The following SPATA6 variants were observed in gnomAD, a reference collection of about 807,000 sequenced individuals.
SPATA6 encodes spermatogenesis-associated protein 6.
A neutral mutation model predicts 65.3 loss-of-function variants in SPATA6; 56 were observed. That is an observed-to-expected ratio of 0.86 (90% CI 0.69 to 1.07). The LOEUF is 1.07. Among genes scored for constraint, SPATA6 ranks in the 50% least tolerant of loss-of-function variants. The pLI, the probability that SPATA6 is intolerant of heterozygous loss-of-function variation, is 0.00. For missense variants in SPATA6, 590 were observed against 594.8 expected (o/e 0.99, Z 0.08); for synonymous variants, 199 against 213.2 (o/e 0.93, Z 0.58).
intron 11 of SPATA6, among the ~76,000 whole-genome samples, chr1:48,317,953 T>C (rs1025167738): frequency 6.6e-6 from 1 of 152,190 alleles, no homozygotes; most frequent in Non-Finnish European, 1.5e-5. Context: ...AAAAGAATTA[T>C]ACACCACAAC....
At chr1:48,285,515 G>T in the SPATA6 span, among the ~76,000 whole-genome samples, 3 of 151,844 alleles carry the variant, frequency 2.0e-5, no homozygotes, top group African/African-American at 7.3e-5. Flanking sequence ...AGCTAGCTCG[G>T]TGTCTGCCCA....
rs150731901 is a variant in SPATA6 at position 48,352,460 on chromosome 1, A to G, written c.1194+3210T>C. ...AACTTCACAATCAAAATTTCATCAA[A>G]GTTTTAACATCAATGCAAATACAGC... On this transcript the variant is annotated intron_variant, in intron 11 of 12. Transcript: ENST00000371847. Among the ~76,000 whole-genome samples the G allele has an allele frequency of 4.5e-3, 688 of 152,204 alleles. 3 individuals are homozygous for G. Among genetic ancestry groups the G allele is most frequent in the African/African-American group, 0.015 (614 of 41,544 alleles).
chr1:48,325,896 G>T (rs1029824579), intron 11 of SPATA6: 2 of 339,506 alleles, frequency 5.9e-6, no homozygotes, highest in Non-Finnish European at 1.2e-5. Context: ...GATGCTTGTG[G>T]TAGGCAAGTG....
At chr1:48,402,976 C>T (rs912262003) in intron 6 of SPATA6, among the ~76,000 whole-genome samples, 7 of 151,976 alleles carry the variant, frequency 4.6e-5, no homozygotes, top group Non-Finnish European at 1.0e-4. Context: ...CTCCAGAGTT[C>T]GAGACCAGCC....
At chr1:48,276,158 T>C in the SPATA6 span, among the ~76,000 whole-genome samples, 1 of 152,202 alleles carries the variant, frequency 6.6e-6, no homozygotes, top group East Asian at 1.9e-4. Context: ...ATGGTATTTG[T>C]ATTTCTGTGA....
At chr1:48,279,172 C>G in the SPATA6 span, among the ~76,000 whole-genome samples, 6 of 152,256 alleles carry the variant, frequency 3.9e-5, no homozygotes, top group East Asian at 1.2e-3. Context: ...AAAAGAGCTC[C>G]TGAAGGAAGC....
the SPATA6 span, among the ~76,000 whole-genome samples, chr1:48,285,726 C>A: frequency 2.0e-5 from 3 of 152,248 alleles, no homozygotes; most frequent in Non-Finnish European, 4.4e-5. Context: ...CTGGGTGAGG[C>A]CCCGCCCCAC....
chr1:48,282,923 T>G, the SPATA6 span, among the ~76,000 whole-genome samples: 3 of 152,032 alleles, frequency 2.0e-5, no homozygotes, highest in African/African-American at 7.2e-5. Flanking sequence ...GCAAAGACTT[T>G]GAACCAATCC....
chr1:48,322,898 G>A (rs1407418603), intron 11 of SPATA6, among the ~76,000 whole-genome samples: 8 of 152,114 alleles, frequency 5.3e-5, no homozygotes, highest in African/African-American at 7.2e-5. Flanking sequence ...TTAGAATGGC[G>A]ATCATTAAAA....
intron 1 of SPATA6, among the ~76,000 whole-genome samples, chr1:48,462,727 A>G (rs1570650101): frequency 6.6e-6 from 1 of 152,214 alleles, no homozygotes. Context: ...CAAAGGAAAT[A>G]ACAAACATAA....
intron 5 of SPATA6, among the ~76,000 whole-genome samples, chr1:48,408,513 C>T (rs1480467551): frequency 6.6e-6 from 1 of 152,168 alleles, no homozygotes; most frequent in Non-Finnish European, 1.5e-5. Context: ...TACTAACAGA[C>T]ATATCAATTA....
chr1:48,436,125 C>T (rs1654918049), intron 3 of SPATA6: 1 of 1,610,140 alleles, frequency 6.2e-7, no homozygotes, highest in Non-Finnish European at 8.5e-7. Flanking sequence ...TATGTTCCAC[C>T]AACGTTTCTC....
At chr1:48,307,598 CAT>C (rs760120438) in intron 11 of SPATA6, among the ~76,000 whole-genome samples, 3 of 151,022 alleles carry the variant, frequency 2.0e-5, no homozygotes, top group African/African-American at 4.8e-5. Context: ...TTTGTGTAGA[CAT>C]GTGGAAATTT....
chr1:48,471,815 AG>A (rs1658276508), intron 1 of SPATA6, 142 bp downstream of exon 1: 1 of 931,192 alleles, frequency 1.1e-6, no homozygotes, highest in Admixed American at 2.0e-5. Context: ...AAGATGGGGC[AG>A]GACCGAAGGG....
intron 9 of SPATA6, among the ~76,000 whole-genome samples, chr1:48,370,668 C>T (rs1202027837): frequency 6.6e-6 from 1 of 152,194 alleles, no homozygotes; most frequent in Non-Finnish European, 1.5e-5. Context: ...ATATAGAAAA[C>T]TTTTTAAATC....
chr1:48,324,346 G>T (rs1281480834), intron 11 of SPATA6, among the ~76,000 whole-genome samples: 3 of 152,104 alleles, frequency 2.0e-5, no homozygotes, highest in African/African-American at 7.2e-5. Context: ...TCATTACATG[G>T]TCAAGTACTA....
intron 11 of SPATA6, among the ~76,000 whole-genome samples, chr1:48,347,046 T>A (rs1212497005): frequency 6.6e-6 from 1 of 151,820 alleles, no homozygotes; most frequent in Non-Finnish European, 1.5e-5. Flanking sequence ...AGAGGTAACA[T>A]GCTACACAAC....
At chr1:48,435,800 G>C (rs1654879617) in intron 3 of SPATA6, among the ~76,000 whole-genome samples, 1 of 152,190 alleles carries the variant, frequency 6.6e-6, no homozygotes, top group Admixed American at 6.5e-5. Flanking sequence ...TCCGCGAGCA[G>C]GGCTCTGGCG....
At chr1:48,426,140 CA>C (rs543323068) in intron 3 of SPATA6, among the ~76,000 whole-genome samples, 3 of 152,024 alleles carry the variant, frequency 2.0e-5, no homozygotes, top group Non-Finnish European at 4.4e-5. Flanking sequence ...AAGAACAGAA[CA>C]AACAACCCAA....
Sources: allele counts gnomAD v4.1 joint callset (sites outside exome capture counted in the v4.1 genomes callset), GRCh38; gene constraint gnomAD v4.1.1; transcripts MANE v1.5; gene names NCBI Gene and HGNC (gene_info 2026-07-23, HGNC 2026-07-21).